Variants in CCDC171 observed in about 807,000 individuals in gnomAD.
CCDC171 encodes the protein coiled-coil domain containing 171.
Under a neutral mutation model 168.2 loss-of-function variants are expected in CCDC171, and 177 were observed. The ratio of observed to expected loss-of-function variants is 1.05; its 90% confidence interval spans 0.93 to 1.19. CCDC171 has a LOEUF of 1.19. Ranked by LOEUF, CCDC171 falls within the 50% of genes most tolerant of loss-of-function variation. The pLI is 0.00. For missense variants in CCDC171, 1,991 were observed against 1,539.0 expected, an observed-to-expected ratio of 1.29 and a Z score of -4.91; for synonymous variants, 687 against 540.8, an observed-to-expected ratio of 1.27 and a Z score of -3.75.
At chr9:15,970,923 A>G (rs1270305808) in intron 25 of CCDC171, among the ~76,000 whole-genome samples, 6 of 152,142 alleles carry the variant, frequency 3.9e-5, no homozygotes, top group Non-Finnish European at 5.9e-5. Flanking sequence ...GGCTGATGGG[A>G]TCATTTGTAC....
chr9:15,569,838 C>CAAA (rs373129900), intron 2 of CCDC171, among the ~76,000 whole-genome samples: 2,618 of 63,494 alleles, frequency 0.041, 75 homozygotes, highest in African/African-American at 0.11. Flanking sequence ...AAACAAAAAA[C>CAAA]AAACAAACAA....
intron 16 of CCDC171, among the ~76,000 whole-genome samples, chr9:15,741,264 C>T (rs1195535588): frequency 3.3e-5 from 5 of 152,156 alleles, no homozygotes; most frequent in Non-Finnish European, 7.3e-5. Context: ...AACAGAAACC[C>T]TGAACTCGTT....
intron 20 of CCDC171, among the ~76,000 whole-genome samples, chr9:15,783,623 T>C (rs899215956): frequency 2.6e-5 from 4 of 152,212 alleles, no homozygotes; most frequent in Non-Finnish European, 4.4e-5. Flanking sequence ...CTTCACGATG[T>C]CTCTGTTGTT....
intron 7 of CCDC171, among the ~76,000 whole-genome samples, chr9:15,633,887 A>G (rs1197619060): frequency 6.6e-6 from 1 of 152,220 alleles, no homozygotes; most frequent in Non-Finnish European, 1.5e-5. Flanking sequence ...ACATGGATGA[A>G]ATTGGAAATC....
chr9:15,627,148 G>A (rs1042151859), intron 7 of CCDC171, among the ~76,000 whole-genome samples: 6 of 152,024 alleles, frequency 3.9e-5, no homozygotes, highest in Admixed American at 2.6e-4. Context: ...TATTTCCGTG[G>A]GATCGGTGGT....
chr9:15,890,627 A>G (rs1412617225), intron 24 of CCDC171, among the ~76,000 whole-genome samples: 2 of 144,214 alleles, frequency 1.4e-5, no homozygotes, highest in East Asian at 4.0e-4. Flanking sequence ...ATTCCTTCAC[A>G]ATGTACAAAA....
intron 7 of CCDC171, among the ~76,000 whole-genome samples, chr9:15,631,878 A>G (rs1019992910): frequency 6.6e-6 from 1 of 152,234 alleles, no homozygotes; most frequent in African/African-American, 2.4e-5. Context: ...ATGCAAATCA[A>G]TAAATGTAAT....
intron 7 of CCDC171, among the ~76,000 whole-genome samples, chr9:15,648,978 T>G (rs1587724853): frequency 6.6e-6 from 1 of 152,118 alleles, no homozygotes. Flanking sequence ...AGAGGCATCA[T>G]GCTACCTGAC....
At chr9:15,571,877 GGAAA>G (rs2040251176) in intron 3 of CCDC171, 118 bp downstream of exon 3, 2 of 846,180 alleles carry the variant, frequency 2.4e-6, no homozygotes, top group Admixed American at 7.1e-5. Flanking sequence ...GGCTTAAAAA[GGAAA>G]TTGTAATAAA....
intron 3 of CCDC171, among the ~76,000 whole-genome samples, chr9:15,995,940 T>C (rs2987034): frequency 0.41 from 62,711 of 151,636 alleles, 13,050 homozygotes; most frequent in South Asian, 0.52. Flanking sequence ...AGTGTTTTTC[T>C]ATTTTTCATT....
At position 16,050,720 on chromosome 9, in the gene CCDC171, A is replaced by G. The variant is rs544528732; in HGVS notation, n.89+7834A>G. ...CCATAAAAATGTTGAAACTCCCTCA[A>G]TAAACAAAGAGCTGTCCCTTTTGTA... On this transcript the variant is annotated intron_variant and non_coding_transcript_variant, in intron 1 of 1. Coordinates refer to the CCDC171 transcript ENST00000478913. Among the ~76,000 whole-genome samples the G allele has an allele frequency of 1.1e-4, 16 of 152,378 alleles. No individual in the cohort carries two copies. The South Asian group carries it at 1.5e-3, about 14-fold the overall frequency.
intron 24 of CCDC171, among the ~76,000 whole-genome samples, chr9:15,896,407 T>C (rs1820905441): frequency 6.6e-6 from 1 of 152,072 alleles, no homozygotes; most frequent in South Asian, 2.1e-4. Flanking sequence ...GCTATTATAT[T>C]TACATCCTTC....
the CCDC171 span, among the ~76,000 whole-genome samples, chr9:16,067,779 G>A: frequency 2.0e-5 from 3 of 152,272 alleles, no homozygotes; most frequent in South Asian, 6.2e-4. Flanking sequence ...TTGTAGATAT[G>A]CAGTGTTATT....
chr9:15,674,039 T>C (rs2049326502), intron 9 of CCDC171, among the ~76,000 whole-genome samples: 1 of 152,200 alleles, frequency 6.6e-6, no homozygotes. Flanking sequence ...CTATTATTGG[T>C]CTATTCAGAG....
At chr9:16,022,815 G>A (rs1833201006) in exon 6 of CCDC171, 1 of 152,226 alleles carries the variant, frequency 6.6e-6, no homozygotes, top group Non-Finnish European at 1.5e-5. Flanking sequence ...AGTCCCACCA[G>A]CCGAGTCATT....
chr9:15,657,247 G>A (rs1275455011), intron 8 of CCDC171, 28 bp downstream of exon 8: 3 of 1,421,416 alleles, frequency 2.1e-6, no homozygotes, highest in Non-Finnish European at 3.0e-6. Flanking sequence ...ATTTTGGCCT[G>A]CATTTTCTTA....
At chr9:15,580,489 C>A (rs1303789445) in intron 4 of CCDC171, among the ~76,000 whole-genome samples, 1 of 151,806 alleles carries the variant, frequency 6.6e-6, no homozygotes, top group Non-Finnish European at 1.5e-5. Context: ...ATGCATCTGA[C>A]AAAGGAGTAA....
intron 24 of CCDC171, chr9:15,886,532 A>G (rs777464986): frequency 6.6e-6 from 1 of 152,190 alleles, no homozygotes; most frequent in Non-Finnish European, 1.5e-5. Flanking sequence ...GTAAATTGGT[A>G]TAGCTATTAT....
rs141330945 is a variant in CCDC171 at position 15,802,901 on chromosome 9, C to T, written c.3267+18207C>T. Among the ~76,000 whole-genome samples, 21 of 152,280 alleles carry T rather than the reference C, an allele frequency of 1.4e-4. 1 individual carries two copies. The highest frequency in any genetic ancestry group is 4.6e-4 in the African/African-American group (19 of 41,556). ...GTATAAAAATGTTCCTTTTTCTCAACAACCTTGCCAGCATCTGTTGTTTTT... is the reference window on the plus strand; with the variant it reads ...GTATAAAAATGTTCCTTTTTCTCAATAACCTTGCCAGCATCTGTTGTTTTT... On this transcript the variant is annotated intron_variant, in intron 21 of 25. Transcript: ENST00000380701.
Sources: allele counts gnomAD v4.1 joint callset (sites outside exome capture counted in the v4.1 genomes callset), GRCh38; gene constraint gnomAD v4.1.1; transcripts MANE v1.5; gene names NCBI Gene and HGNC (gene_info 2026-07-23, HGNC 2026-07-21).